ADAM8: variants seen among roughly 807,000 people sequenced by gnomAD.
ADAM8 encodes ADAM metallopeptidase domain 8.
In ADAM8, 104 loss-of-function variants were observed where a neutral mutation model predicts 102.4. That is an observed-to-expected ratio of 1.02 (90% CI 0.87 to 1.20). ADAM8 has a LOEUF of 1.20. ADAM8 is among the 50% of genes most tolerant of loss of function. ADAM8 has a pLI of 0.00. For synonymous variants in ADAM8, 517 were observed against 485.2 expected (o/e 1.07, Z -0.86); for missense variants, 1,132 against 1,159.0 (o/e 0.98, Z 0.34).
chr10:133,269,641 G>A lies in ADAM8; in HGVS notation c.1864-112C>T, dbSNP rs537090277. ...CCAGCCCCACCCCCGAGGGCCCCTC[G>A]GTCCCTGCCCACATGCGCCGACGGC... On this transcript the variant is annotated intron_variant, in intron 17 of 22. Transcript: ENST00000445355. The A allele has an allele frequency of 8.4e-4, 964 of 1,149,702 alleles. 1 individual carries two copies. In the African/African-American group the frequency reaches 0.01, roughly 12 times the overall value. 71.2% of individuals were successfully genotyped at this position (1,149,702 alleles called of 1,614,324 possible).
chr10:133,264,261 A>T (rs576705097), intron 21 of ADAM8, among the ~76,000 whole-genome samples: 4 of 151,294 alleles, frequency 2.6e-5, no homozygotes, highest in Non-Finnish European at 5.9e-5. Flanking sequence ...GGGTCTCCCT[A>T]TGTTGCCCAG....
chr10:133,266,338 C>T (rs972948181), intron 21 of ADAM8, among the ~76,000 whole-genome samples: 1 of 152,124 alleles, frequency 6.6e-6, no homozygotes, highest in Non-Finnish European at 1.5e-5. Context: ...GGGAGCAGGC[C>T]AGGCGAAGGG....
rs970145377 is a variant in ADAM8, at chr10:133,273,751, G to A, written c.383+11C>T. On this transcript the variant is annotated intron_variant, in intron 5 of 22. Transcript: ENST00000445355. The stretch of plus-strand genomic sequence containing the variant: ...CCTGCGGGAGCCCTGGCGTTCGTCC[G>A]CCACACCCACCTGAGGCCGGCACAG... 236 of 1,546,818 alleles carry A rather than the reference G, an allele frequency of 1.5e-4. No individual in the cohort carries two copies. The highest frequency in any genetic ancestry group is 7.1e-4 in the East Asian group (29 of 40,884).
intron 19 of ADAM8, among the ~76,000 whole-genome samples, chr10:133,268,423 G>A (rs1330039564): frequency 2.6e-5 from 4 of 152,198 alleles, no homozygotes; most frequent in Admixed American, 2.6e-4. Flanking sequence ...GGCTCAGCAG[G>A]AAACTGGCAG....
rs751392892 is a variant in ADAM8, at chr10:133,273,997, T to C, written c.260A>G (p.Tyr87Cys). ...CACCTCGGAGCCATTGGCAGCCGTA[T>C]AGGTCTCTGTGTAGCCGGAGCCCAG... ...DLLGSGYTET[Y>C]TAANGSEVTE... The change falls in exon 4 of 23, where the codon TAT becomes TGT. Residue 87 changes from tyrosine (Y) to cysteine (C), a missense_variant. Coordinates refer to ENST00000445355, the MANE Select transcript of ADAM8 (RefSeq NM_001109.5). 1.9e-6 allele frequency: 3 copies of C among 1,608,122 alleles called. No individual in the cohort carries two copies. The highest frequency in any genetic ancestry group is 2.5e-6 in the Non-Finnish European group (3 of 1,178,758).
At chr10:133,275,681 C>T (rs1238104051) in intron 1 of ADAM8, 94 bp from the exon 2 acceptor site, 1 of 660,300 alleles carries the variant, frequency 1.5e-6, no homozygotes, top group Non-Finnish European at 2.4e-6. Context: ...TCTTGCTGGG[C>T]TTGACCCTCC....
chr10:133,270,330 G>T (rs370041579), intron 16 of ADAM8, 30 bp downstream of exon 16: 2 of 1,561,628 alleles, frequency 1.3e-6, no homozygotes, highest in Non-Finnish European at 1.7e-6. Flanking sequence ...ATGCCTGGGG[G>T]GTGGCGCGGC....
chr10:133,271,219 G>C lies in ADAM8; in HGVS notation c.1355C>G (p.Thr452Ser). 6.2e-7 allele frequency: 1 copy of C among 1,611,806 alleles called. No homozygotes were observed. Among genetic ancestry groups the C allele is most frequent in the Non-Finnish European group, 8.5e-7 (1 of 1,179,642 alleles). The change falls in exon 13 of 23, where the codon ACC becomes AGC. Residue 452 changes from threonine (T) to serine (S), a missense_variant. Thr to Ser is a moderately conservative substitution (Grantham distance 58). Coordinates refer to ENST00000445355, the MANE Select transcript of ADAM8 (RefSeq NM_001109.5). ...ACTCACCTTGCACTCCTGGCAGCAG[G>C]TACCGTGCGCACACTGGGCCCCCTC... is the stretch of plus-strand genomic sequence containing the variant. Reference protein sequence around the residue: ...LAEGAQCAHGTCCQECKVKPA... With the variant: ...LAEGAQCAHGSCCQECKVKPA...
chr10:133,270,909 G>T lies in ADAM8; in HGVS notation c.1536C>A (p.Ala512=). 1 of 1,612,270 alleles carries T rather than the reference G, an allele frequency of 6.2e-7. No individual in the cohort carries two copies. The highest frequency in any genetic ancestry group is 1.1e-5 in the South Asian group (1 of 91,052). Residue 512 remains alanine (A), a synonymous_variant, in exon 14 of 23, where the codon GCC becomes GCA. Coordinates refer to ENST00000445355, the MANE Select transcript of ADAM8 (RefSeq NM_001109.5). ...GCCCCCAGAAGGCCTGGCACTGCTGGGCCAGTGTGGGACAGGCCCCGTTGT... is the reference window on the plus strand; with the variant it reads ...GCCCCCAGAAGGCCTGGCACTGCTGTGCCAGTGTGGGACAGGCCCCGTTGT... ...YCYNGACPTL[A]QQCQAFWGPG...
At chr10:133,276,012 T>C (rs958471425) in intron 1 of ADAM8, 1 of 164,774 alleles carries the variant, frequency 6.1e-6, no homozygotes, top group Non-Finnish European at 1.3e-5. Context: ...GAGCAGGAAG[T>C]GCCTCCCGGA....
At chr10:133,267,108 G>A (rs1846346824) in intron 21 of ADAM8, among the ~76,000 whole-genome samples, 1 of 152,182 alleles carries the variant, frequency 6.6e-6, no homozygotes, top group South Asian at 2.1e-4. Context: ...CTGAGTGGAA[G>A]GAGAAGGAGC....
In ADAM8 at chr10:133,274,854, G is replaced by T. The variant is rs1458276757; in HGVS notation, c.151-619C>A. ...CTGCATCTCCAGCCCCCATGTGCAGGCTGGGGCTCGGCCTGCAGAGCTCTG... is the reference window on the plus strand; with the variant it reads ...CTGCATCTCCAGCCCCCATGTGCAGTCTGGGGCTCGGCCTGCAGAGCTCTG... On this transcript the variant is annotated intron_variant, in intron 2 of 22. Coordinates refer to ENST00000445355, the MANE Select transcript of ADAM8 (RefSeq NM_001109.5). The T allele has an allele frequency of 3.9e-5, 17 of 433,636 alleles. No individual in the cohort carries two copies. In the Admixed American group the frequency reaches 4.2e-4, roughly 11 times the overall value. 26.9% of individuals were successfully genotyped at this position (433,636 alleles called of 1,614,324 possible). A position where few individuals can be genotyped will look rare whatever the true frequency, so the allele number is the denominator to read the frequency against.
At chr10:133,269,384 C>T (rs1846440540) in intron 18 of ADAM8, 61 bp downstream of exon 18, 1 of 1,423,704 alleles carries the variant, frequency 7.0e-7, no homozygotes, top group Non-Finnish European at 9.2e-7. Context: ...TCTGCCTGGG[C>T]TCTGTTCGGG....
chr10:133,267,399 T>A lies in ADAM8; in HGVS notation c.2272A>T (p.Ser758Cys). 1 of 1,610,264 alleles carries A rather than the reference T, an allele frequency of 6.2e-7. No individual in the cohort carries two copies. The highest frequency in any genetic ancestry group is 1.1e-5 in the South Asian group (1 of 90,032). Residue 758 changes from serine (S) to cysteine (C), a missense_variant, in exon 21 of 23, where the codon AGC (serine) becomes TGC (cysteine). By Grantham distance (112) the Ser-to-Cys change is moderately radical. Coordinates refer to ENST00000445355, the MANE Select transcript of ADAM8 (RefSeq NM_001109.5). ...TAGACAGGAACTGGGAAGGGTGGGC[T>A]GGACACAGTGACCGGAGGCTGGAGG... ...PPPAPPVTVS[S>C]PPFPVPVYTR...
At chr10:133,263,817 T>G in intron 21 of ADAM8, 52 bp from the exon 22 acceptor site, 1 of 1,357,010 alleles carries the variant, frequency 7.4e-7, no homozygotes, top group Non-Finnish European at 9.8e-7. Flanking sequence ...CTCCCGGCTC[T>G]AGCCTGGACA....
At chr10:133,269,609 C>T (rs2136081106) in intron 17 of ADAM8, 80 bp from the exon 18 acceptor site, 1 of 1,388,148 alleles carries the variant, frequency 7.2e-7, no homozygotes. Flanking sequence ...AGCATGAGGG[C>T]CCCGGGCCAG....
Position 133,269,935 on chromosome 10 carries a change from T to G in ADAM8, c.1825A>C (p.Arg609=). Residue 609 remains arginine, a synonymous_variant, in exon 17 of 23, where the codon AGA becomes CGA. Coordinates refer to ENST00000445355, the MANE Select transcript of ADAM8 (RefSeq NM_001109.5). The stretch of plus-strand genomic sequence containing the variant: ...CACTGGGCAGAGCAGTTGCTGGATC[T>G]GTAAACGTGTAAGTCCTGGCAACGT... ...KGRCQDLHVY[R]SSNCSAQCHN... 1 of 1,612,772 alleles carries G rather than the reference T, an allele frequency of 6.2e-7. No homozygotes were observed. The highest frequency in any genetic ancestry group is 8.5e-7 in the Non-Finnish European group (1 of 1,179,964).
chr10:133,275,692 C>T (rs1846727038), intron 1 of ADAM8, 105 bp from the exon 2 acceptor site: 4 of 608,878 alleles, frequency 6.6e-6, no homozygotes, highest in African/African-American at 2.0e-5. Context: ...TTGACCCTCC[C>T]CTGGGGAACT....
chr10:133,269,142 C>G, intron 18 of ADAM8: 1 of 985,458 alleles, frequency 1.0e-6, no homozygotes, highest in Non-Finnish European at 1.2e-6. Context: ...GGAGGAAATG[C>G]TGGGTGGCCT....
Sources: allele counts gnomAD v4.1 joint callset (sites outside exome capture counted in the v4.1 genomes callset), GRCh38; gene constraint gnomAD v4.1.1; transcripts MANE v1.5; gene names NCBI Gene and HGNC (gene_info 2026-07-23, HGNC 2026-07-21).